Variants in BTN1A1 observed in about 807,000 individuals in gnomAD.
BTN1A1 encodes the protein butyrophilin subfamily 1 member A1.
Under a neutral mutation model 33.1 loss-of-function variants are expected in BTN1A1, and 26 were observed. That is an observed-to-expected ratio of 0.79 (90% CI 0.58 to 1.09). The LOEUF (loss-of-function observed/expected upper bound fraction) is 1.09, where lower values mean the gene tolerates loss of function less well. Ranked by LOEUF, BTN1A1 falls within the 50% of genes least tolerant of loss-of-function variation. The pLI is 0.00. For missense variants in BTN1A1, 558 were observed against 655.7 expected, an observed-to-expected ratio of 0.85 and a Z score of 1.63; for synonymous variants, 235 against 256.2, an observed-to-expected ratio of 0.92 and a Z score of 0.79.
At chr6:26,507,532 A>G (rs1022045551) in intron 5 of BTN1A1, among the ~76,000 whole-genome samples, 1 of 152,054 alleles carries the variant, frequency 6.6e-6, no homozygotes, top group African/African-American at 2.4e-5. Context: ...TCAAGACCAG[A>G]CTGGACAACA....
chr6:26,506,123 CAA>C (rs34524548), intron 4 of BTN1A1, among the ~76,000 whole-genome samples: 18 of 130,044 alleles, frequency 1.4e-4, no homozygotes, highest in Admixed American at 3.9e-4. Context: ...GACTGCATCT[CAA>C]AAAAAAAAAA....
Position 26,506,839 on chromosome 6 carries a change from C to CTT in BTN1A1, c.859+7_859+8insTT, listed in dbSNP as rs760726679. 1.3e-5 allele frequency: 21 copies of CTT among 1,613,732 alleles called. No individual in the cohort carries two copies. Among genetic ancestry groups the CTT allele is most frequent in the Non-Finnish European group, 1.8e-5 (21 of 1,179,868 alleles). ...AATGAATTCAGCTCTAAAGGTAAAC[C>CTT]ATAGAATCCACAAGGGCTACGTGTC... On this transcript the variant is annotated splice_region_variant and intron_variant, in intron 5 of 7. Coordinates refer to ENST00000684113, the MANE Select transcript of BTN1A1 (RefSeq NM_001732.3).
At chr6:26,500,663 T>A (rs972968705) in intron 1 of BTN1A1, among the ~76,000 whole-genome samples, 1 of 152,212 alleles carries the variant, frequency 6.6e-6, no homozygotes. Context: ...ACGCCTGTAA[T>A]CCCAGCACTT....
chr6:26,508,585 G>T lies in BTN1A1; in HGVS notation c.992G>T (p.Arg331Leu). The change falls in exon 8 of 8, where the codon CGT becomes CTT. Residue 331 changes from arginine to leucine, a missense_variant. Coordinates refer to ENST00000684113, the MANE Select transcript of BTN1A1 (RefSeq NM_001732.3). ...DSKSVRLEDS[R>L]QKLPEKTERF... ...AAATCTGTTCGACTGGAAGATTCAC[G>T]TCAGAAACTGCCTGAGAAAACAGAG... 1.9e-6 allele frequency: 3 copies of T among 1,614,170 alleles called. No homozygotes were observed. The highest frequency in any genetic ancestry group is 2.5e-6 in the Non-Finnish European group (3 of 1,180,038).
At position 26,501,777 on chromosome 6, in the gene BTN1A1, C is replaced by T. The variant is rs1264676238; in HGVS notation, c.267C>T (p.Pro89=). 6.2e-6 allele frequency: 10 copies of T among 1,613,486 alleles called. No homozygotes were observed. The highest frequency in any genetic ancestry group is 1.1e-5 in the South Asian group (1 of 91,072). The change falls in exon 3 of 8, where the codon CCC becomes CCT. Residue 89 remains proline (P), a synonymous_variant. Coordinates refer to ENST00000684113, the MANE Select transcript of BTN1A1 (RefSeq NM_001732.3). This position sits in a 1 kb window ranked among gnomAD's most constrained non-coding sequence, Gnocchi z 5.2. ...GCGAGCAGGAAGCCGAGCAGATGCC[C>T]GAGTACCGCGGGCGGGCGACGCTGG... ...DGREQEAEQM[P]EYRGRATLVQ...
chr6:26,505,926 G>C (rs931001768), intron 4 of BTN1A1, among the ~76,000 whole-genome samples: 1 of 151,768 alleles, frequency 6.6e-6, no homozygotes, highest in African/African-American at 2.4e-5. Context: ...AGACCATACT[G>C]GCCAACATGG....
At position 26,508,579 on chromosome 6, in the gene BTN1A1, A is replaced by T. The variant is rs1304810258; in HGVS notation, c.986A>T (p.Asp329Val). The stretch of plus-strand genomic sequence containing the variant: ...GATTCAAAATCTGTTCGACTGGAAG[A>T]TTCACGTCAGAAACTGCCTGAGAAA... ...YEDSKSVRLE[D>V]SRQKLPEKTE... Residue 329 changes from aspartate (D) to valine (V), a missense_variant, in exon 8 of 8, where the codon GAT becomes GTT. Asp to Val is a radical substitution (Grantham distance 152). Coordinates refer to ENST00000684113, the MANE Select transcript of BTN1A1 (RefSeq NM_001732.3). The T allele has an allele frequency of 6.2e-7, 1 of 1,614,074 alleles. No individual in the cohort carries two copies. The highest frequency in any genetic ancestry group is 8.5e-7 in the Non-Finnish European group (1 of 1,180,052).
In BTN1A1 at chr6:26,507,721, T is replaced by TTAAAAAA. The variant is rs10661702; in HGVS notation, c.860-229_860-228insTAAAAAA. Among the ~76,000 whole-genome samples, 148 of 147,894 alleles carry TTAAAAAA rather than the reference T, an allele frequency of 1.0e-3. 1 individual carries two copies. The highest frequency in any genetic ancestry group is 3.9e-3 in the South Asian group (18 of 4,660). ...GACTGGGCAACAGAATGAGATTCTA[T>TTAAAAAA]AAAAAAAAAATCTGATCCCAAGCCA... On this transcript the variant is annotated intron_variant, in intron 5 of 7. Transcript: ENST00000684113.
chr6:26,505,026 T>A lies in BTN1A1; in HGVS notation c.529T>A (p.Trp177Arg). 1 of 1,614,210 alleles carries A rather than the reference T, an allele frequency of 6.2e-7. No individual in the cohort carries two copies. The highest frequency in any genetic ancestry group is 2.2e-5 in the East Asian group (1 of 44,876). ...VGWYPEPQVQ[W>R]RTSKGEKFPS... ...ATGGTACCCAGAGCCCCAGGTGCAG[T>A]GGAGAACTTCCAAGGGAGAGAAGTT... Residue 177 changes from tryptophan to arginine, a missense_variant, in exon 4 of 8, where the codon TGG (tryptophan) becomes AGG (arginine). Coordinates refer to ENST00000684113, the MANE Select transcript of BTN1A1 (RefSeq NM_001732.3).
chr6:26,503,053 A>G (rs1038148514), intron 3 of BTN1A1, among the ~76,000 whole-genome samples: 2 of 152,188 alleles, frequency 1.3e-5, no homozygotes, highest in African/African-American at 4.8e-5. Flanking sequence ...GTCTGGGACC[A>G]GTGGCCAACT....
At position 26,501,765 on chromosome 6, in the gene BTN1A1, C is replaced by T. The variant is rs201085850; in HGVS notation, c.255C>T (p.Ala85=). Residue 85 remains alanine, a synonymous_variant, in exon 3 of 8, where the codon GCC becomes GCT. Transcript: ENST00000684113. This position sits in a 1 kb window ranked among gnomAD's most constrained non-coding sequence, Gnocchi z 5.2. Reference sequence around the variant, plus strand: ...ATAGGGACGGGCGCGAGCAGGAAGCCGAGCAGATGCCCGAGTACCGCGGGC... The same window carrying T: ...ATAGGGACGGGCGCGAGCAGGAAGCTGAGCAGATGCCCGAGTACCGCGGGC... ...LVHRDGREQE[A]EQMPEYRGRA... 6.2e-7 allele frequency: 1 copy of T among 1,613,700 alleles called. No individual in the cohort carries two copies. The highest frequency in any genetic ancestry group is 2.2e-5 in the East Asian group (1 of 44,880).
chr6:26,501,213 G>C lies in BTN1A1; in HGVS notation c.-57-17G>C, dbSNP rs1040878583. On this transcript the variant is annotated splice_polypyrimidine_tract_variant and intron_variant, in intron 1 of 7. Transcript: ENST00000684113. This position sits in a 1 kb window ranked among gnomAD's most constrained non-coding sequence, Gnocchi z 5.2. Reference sequence around the variant, plus strand: ...TTGACAGAGCCGGTAGTTGTCTCCTGTCCATTCATCTCCTAGGCTGAAGCT... The same window carrying C: ...TTGACAGAGCCGGTAGTTGTCTCCTCTCCATTCATCTCCTAGGCTGAAGCT... 2.6e-5 allele frequency: 32 copies of C among 1,252,806 alleles called. No individual in the cohort carries two copies. The East Asian group carries it at 7.5e-4, about 29-fold the overall frequency. 77.6% of individuals were successfully genotyped at this position (1,252,806 alleles called of 1,614,324 possible). A position where few individuals can be genotyped will look rare whatever the true frequency, so the allele number is the denominator to read the frequency against.
At position 26,501,985 on chromosome 6, in the gene BTN1A1, C is replaced by T. The variant is rs1466186211; in HGVS notation, c.427+48C>T. On this transcript the variant is annotated intron_variant, in intron 3 of 7. Coordinates refer to ENST00000684113, the MANE Select transcript of BTN1A1 (RefSeq NM_001732.3). The surrounding 1 kb of genome is among the most constrained non-coding windows in gnomAD (Gnocchi z 5.2). ...TCTCCGACGACTCCCCTGCTGTATA[C>T]ACTTTCGTATGGATCAGTTACTTTG... The T allele has an allele frequency of 2.0e-6, 3 of 1,514,246 alleles. No individual in the cohort carries two copies. In the African/African-American group the frequency reaches 4.2e-5, roughly 21 times the overall value. The allele number at this position is 1,514,246 out of a possible 1,614,324, so 93.8% of individuals were successfully genotyped here. A position where few individuals can be genotyped will look rare whatever the true frequency, so the allele number is the denominator to read the frequency against.
chr6:26,502,466 T>C (rs992435973), intron 3 of BTN1A1, among the ~76,000 whole-genome samples: 12 of 151,980 alleles, frequency 7.9e-5, no homozygotes, highest in Admixed American at 3.9e-4. Flanking sequence ...TAGAAGGTAC[T>C]GAAGGTCCTA....
At chr6:26,500,511 C>G (rs1286004485) in intron 1 of BTN1A1, among the ~76,000 whole-genome samples, 153 bp downstream of exon 1, 5 of 152,176 alleles carry the variant, frequency 3.3e-5, no homozygotes, top group African/African-American at 1.2e-4. Context: ...CTTGCTCCAT[C>G]TCCTCCCATC....
rs1271192751 is a variant in BTN1A1 at position 26,508,542 on chromosome 6, T to C, written c.949T>C (p.Phe317Leu). The C allele has an allele frequency of 6.2e-7, 1 of 1,613,952 alleles. No individual in the cohort carries two copies. The highest frequency in any genetic ancestry group is 1.1e-5 in the South Asian group (1 of 91,078). The stretch of plus-strand genomic sequence containing the variant: ...CCCAGACACAGCTCATCCCCACCTC[T>C]TTCTTTATGAGGATTCAAAATCTGT... ...LDPDTAHPHL[F>L]LYEDSKSVRL... Residue 317 changes from phenylalanine (F) to leucine (L), a missense_variant, in exon 8 of 8, where the codon TTT becomes CTT. By Grantham distance (22) the Phe-to-Leu change is conservative. Coordinates refer to ENST00000684113, the MANE Select transcript of BTN1A1 (RefSeq NM_001732.3).
At position 26,501,309 on chromosome 6, in the gene BTN1A1, G is replaced by A. The variant is rs764537025; in HGVS notation, c.23G>A (p.Gly8Asp). 1.2e-6 allele frequency: 2 copies of A among 1,614,100 alleles called. No individual in the cohort carries two copies. The highest frequency in any genetic ancestry group is 1.7e-6 in the Non-Finnish European group (2 of 1,180,006). ...GAGATGGCAGTTTTCCCAAGCTCCG[G>A]TCTCCCCAGATGTCTGCTCACCCTC... MAVFPSS[G>D]LPRCLLTLIL... The change falls in exon 2 of 8, where the codon GGT (glycine) becomes GAT (aspartate). Residue 8 changes from glycine to aspartate, a missense_variant. Physicochemically the swap from Gly to Asp is moderately conservative, Grantham distance 94 (BLOSUM62 -1). Transcript: ENST00000684113. This position sits in a 1 kb window ranked among gnomAD's most constrained non-coding sequence, Gnocchi z 5.2.
chr6:26,506,716 T>G lies in BTN1A1; in HGVS notation c.743T>G (p.Val248Gly). Residue 248 changes from valine to glycine, a missense_variant, in exon 5 of 8, where the codon GTG (valine) becomes GGG (glycine). Physicochemically the swap from Val to Gly is moderately radical, Grantham distance 109. Transcript: ENST00000684113. The stretch of plus-strand genomic sequence containing the variant: ...CTCCCAAGGCTGACTCCCTGGATAG[T>G]GGCTGTGGCTGTCATCCTGATGGTT... ...SSLPRLTPWIVAVAVILMVLG... is the reference protein window; with the variant it reads ...SSLPRLTPWIGAVAVILMVLG... 1.2e-6 allele frequency: 2 copies of G among 1,614,120 alleles called. No homozygotes were observed. Among genetic ancestry groups the G allele is most frequent in the Non-Finnish European group, 1.7e-6 (2 of 1,180,016 alleles).
At chr6:26,504,879 C>CA (rs3830939) in intron 3 of BTN1A1, 46 bp from the exon 4 acceptor site, 3 of 1,586,444 alleles carry the variant, frequency 1.9e-6, no homozygotes, top group Non-Finnish European at 2.6e-6. Context: ...ATAAGGCTCC[C>CA]AAAAGGGGTC....
Sources: allele counts gnomAD v4.1 joint callset (sites outside exome capture counted in the v4.1 genomes callset), GRCh38; gene constraint gnomAD v4.1.1; non-coding constraint Gnocchi (gnomAD v3.1); transcripts MANE v1.5; gene names NCBI Gene and HGNC (gene_info 2026-07-23, HGNC 2026-07-21).